The following GSG1L variants were observed in gnomAD, a reference collection of about 807,000 sequenced individuals.
GSG1L encodes the protein GSG1 like, also known as germ cell-specific gene 1-like protein.
In GSG1L, 24 loss-of-function variants were observed where a neutral mutation model predicts 42.1. That is an observed-to-expected ratio of 0.57 (90% confidence interval 0.41 to 0.80). The LOEUF (loss-of-function observed/expected upper bound fraction) is 0.80, where lower values mean the gene tolerates loss of function less well. Ranked by LOEUF, GSG1L falls within the 30% of genes least tolerant of loss-of-function variation. The pLI is 0.00. For synonymous variants in GSG1L, 215 were observed against 203.5 expected (o/e 1.06, Z -0.48); for missense variants, 445 against 472.2 (o/e 0.94, Z 0.53).
At chr16:27,957,830 T>C (rs1473417068) in intron 2 of GSG1L, among the ~76,000 whole-genome samples, 1 of 152,128 alleles carries the variant, frequency 6.6e-6, no homozygotes, top group Non-Finnish European at 1.5e-5. Flanking sequence ...TGGTGAGGCT[T>C]CAGGAAGCTT....
chr16:27,895,989 C>T (rs886276915), intron 2 of GSG1L, among the ~76,000 whole-genome samples: 1 of 152,162 alleles, frequency 6.6e-6, no homozygotes, highest in African/African-American at 2.4e-5. Context: ...GTCTACAAAC[C>T]AGCAGCGTCA....
chr16:27,896,975 T>C (rs1287933659), intron 2 of GSG1L, among the ~76,000 whole-genome samples: 2 of 151,930 alleles, frequency 1.3e-5, no homozygotes, highest in East Asian at 1.9e-4. Flanking sequence ...GCGATTCTCC[T>C]GCCTTAGCCT....
chr16:27,960,587 C>T (rs1287081827), intron 2 of GSG1L, among the ~76,000 whole-genome samples: 1 of 152,084 alleles, frequency 6.6e-6, no homozygotes, highest in African/African-American at 2.4e-5. Context: ...GGGAACAAGT[C>T]CCTCGTCTCT....
chr16:27,948,710 C>A lies in GSG1L; in HGVS notation c.397+14446G>T, dbSNP rs368652690. ...TTGCAAGCTTCACCTCCCAGGTTCA[C>A]GCCATTCGCCTGTCTCAGCCTCCCG... On this transcript the variant is annotated intron_variant, in intron 2 of 6. Coordinates refer to ENST00000447459, the MANE Select transcript of GSG1L (RefSeq NM_001109763.2). Among the ~76,000 whole-genome samples, 10 of 150,776 alleles carry A rather than the reference C, an allele frequency of 6.6e-5. No homozygotes were observed. The South Asian group carries it at 1.5e-3, about 22-fold the overall frequency.
chr16:27,930,535 T>C (rs143890076), intron 2 of GSG1L, among the ~76,000 whole-genome samples: 14 of 152,336 alleles, frequency 9.2e-5, no homozygotes, highest in African/African-American at 3.4e-4. Context: ...GGGGGCCTTG[T>C]ACAGTGCCTG....
At chr16:28,005,296 A>G (rs945445485) in intron 1 of GSG1L, among the ~76,000 whole-genome samples, 1 of 152,150 alleles carries the variant, frequency 6.6e-6, no homozygotes, top group African/African-American at 2.4e-5. Context: ...TATTTTTAGT[A>G]GAGACAGGGG....
intron 1 of GSG1L, among the ~76,000 whole-genome samples, chr16:28,020,181 T>C (rs2085825136): frequency 6.6e-6 from 1 of 152,196 alleles, no homozygotes; most frequent in South Asian, 2.1e-4. Flanking sequence ...ACTGTCTTGC[T>C]GGGCATTGGC....
chr16:27,883,314 T>G (rs1263095819), intron 3 of GSG1L, among the ~76,000 whole-genome samples: 3 of 148,396 alleles, frequency 2.0e-5, no homozygotes, highest in African/African-American at 5.0e-5. Flanking sequence ...CAGCTGGGGA[T>G]GGGGTGCATG....
At chr16:28,005,419 G>A (rs1454998477) in intron 1 of GSG1L, among the ~76,000 whole-genome samples, 1 of 152,154 alleles carries the variant, frequency 6.6e-6, no homozygotes, top group East Asian at 1.9e-4. Context: ...ACTTGTAGAT[G>A]CCACCTTCCC....
intron 2 of GSG1L, among the ~76,000 whole-genome samples, chr16:27,939,272 C>T (rs1035319417): frequency 6.6e-6 from 1 of 152,128 alleles, no homozygotes; most frequent in African/African-American, 2.4e-5. Flanking sequence ...CAGGCACGCA[C>T]CACCACACCC....
At chr16:27,796,136 C>T (rs2082815298) in intron 6 of GSG1L, among the ~76,000 whole-genome samples, 1 of 152,210 alleles carries the variant, frequency 6.6e-6, no homozygotes, top group African/African-American at 2.4e-5. Flanking sequence ...CAGCTTGGCA[C>T]AGATCAGCTG....
In GSG1L at chr16:27,814,036, G is replaced by C. The variant is rs868780302; in HGVS notation, c.831-6482C>G. Reference sequence around the variant, plus strand: ...AGCCCAGGACCTGCCACAGAAGATAGGCTCAGAGCATGTTCACTACTGCTA... The same window carrying C: ...AGCCCAGGACCTGCCACAGAAGATACGCTCAGAGCATGTTCACTACTGCTA... On this transcript the variant is annotated intron_variant, in intron 5 of 6. Coordinates refer to ENST00000447459, the MANE Select transcript of GSG1L (RefSeq NM_001109763.2). Among the ~76,000 whole-genome samples, 12 of 152,310 alleles carry C rather than the reference G, an allele frequency of 7.9e-5. No individual in the cohort carries two copies. In the South Asian group the frequency reaches 1.2e-3, roughly 16 times the overall value.
At chr16:27,919,603 A>T (rs971384693) in intron 2 of GSG1L, among the ~76,000 whole-genome samples, 1 of 152,066 alleles carries the variant, frequency 6.6e-6, no homozygotes, top group Non-Finnish European at 1.5e-5. Context: ...AGAATCCAGT[A>T]CTCATCATGG....
intron 2 of GSG1L, among the ~76,000 whole-genome samples, chr16:27,893,441 A>G (rs754430537): frequency 2.0e-5 from 3 of 152,232 alleles, no homozygotes; most frequent in Non-Finnish European, 4.4e-5. Flanking sequence ...TAAAATGGGC[A>G]TAATTGACTT....
intron 2 of GSG1L, among the ~76,000 whole-genome samples, chr16:27,903,667 C>T (rs765375858): frequency 4.6e-5 from 7 of 152,130 alleles, no homozygotes; most frequent in Non-Finnish European, 7.4e-5. Flanking sequence ...GGGAGAGTGG[C>T]CTCAAAGCTG....
At chr16:27,991,444 T>C (rs1478357475) in intron 1 of GSG1L, among the ~76,000 whole-genome samples, 1 of 151,984 alleles carries the variant, frequency 6.6e-6, no homozygotes, top group Non-Finnish European at 1.5e-5. Flanking sequence ...CTCACTCTAT[T>C]GCCCAGGCTG....
At chr16:27,825,516 A>G (rs536216366) in intron 5 of GSG1L, among the ~76,000 whole-genome samples, 4 of 152,310 alleles carry the variant, frequency 2.6e-5, no homozygotes, top group African/African-American at 9.6e-5. Context: ...TTTACTAAAA[A>G]TGAAAAAATT....
chr16:27,969,022 C>T (rs12444955), intron 1 of GSG1L, among the ~76,000 whole-genome samples: 38,714 of 151,938 alleles, frequency 0.25, 5,293 homozygotes, highest in East Asian at 0.49. Context: ...GGCAGGAGGA[C>T]CACTTGAACC....
intron 1 of GSG1L, among the ~76,000 whole-genome samples, chr16:28,005,909 A>G (rs1253365476): frequency 1.3e-5 from 2 of 152,238 alleles, no homozygotes; most frequent in Non-Finnish European, 2.9e-5. Context: ...ACAAAACAGA[A>G]GGGACTTTGC....
Sources: gnomAD v4.1 joint callset for allele counts (sites outside exome capture counted in the v4.1 genomes callset) on GRCh38, gnomAD v4.1.1 for gene constraint, MANE v1.5 for transcripts, NCBI Gene and HGNC (gene_info 2026-07-23, HGNC 2026-07-21) for gene names.